The following SPACA6 variants were observed in gnomAD, a reference collection of about 807,000 sequenced individuals.
SPACA6 encodes the protein sperm acrosome membrane-associated protein 6.
For missense variants in SPACA6, 8 were observed against 2.8 expected, an observed-to-expected ratio of 2.88 and a Z score of -1.34; for synonymous variants, 6 against 1.5, an observed-to-expected ratio of 4.05 and a Z score of -2.21.
downstream of SPACA6, among the ~76,000 whole-genome samples, chr19:51,706,844 A>G (rs2083518313): frequency 2.6e-5 from 4 of 152,130 alleles, no homozygotes; most frequent in Non-Finnish European, 5.9e-5. Context: ...TTTTTGGAAG[A>G]GACAGGGTTT....
At chr19:51,690,356 C>T (rs1418331773), upstream of SPACA6, among the ~76,000 whole-genome samples, 1 of 152,098 alleles carries the variant, frequency 6.6e-6, no homozygotes, top group Non-Finnish European at 1.5e-5. Flanking sequence ...GGAGCGCGGC[C>T]CCCAACCCTC....
chr19:51,705,697 T>C (rs1367063154), downstream of SPACA6, among the ~76,000 whole-genome samples: 1 of 124,846 alleles, frequency 8.0e-6, no homozygotes, highest in Non-Finnish European at 1.6e-5. Context: ...ACTTGTTTTA[T>C]TTTATTTTAT....
chr19:51,707,243 T>G (rs1033624212), downstream of SPACA6, among the ~76,000 whole-genome samples: 34 of 151,520 alleles, frequency 2.2e-4, no homozygotes, highest in South Asian at 2.1e-3. Context: ...TTTTTTTTTT[T>G]TTTGTTTTGT....
At chr19:51,709,531 C>CAAA (rs56170768), downstream of SPACA6, among the ~76,000 whole-genome samples, 8,404 of 54,396 alleles carry the variant, frequency 0.15, 889 homozygotes, top group African/African-American at 0.25. Context: ...AAAAAAAAGG[C>CAAA]AAAAAAAAAA....
intron 2 of SPACA6, among the ~76,000 whole-genome samples, chr19:51,710,830 A>G (rs2083538074): frequency 6.6e-6 from 1 of 152,218 alleles, no homozygotes. Flanking sequence ...CTGTAATCCC[A>G]GCACTTTGGG....
At chr19:51,693,959 G>T in intron 1 of SPACA6, 1 of 372,894 alleles carries the variant, frequency 2.7e-6, no homozygotes, top group Non-Finnish European at 4.7e-6. Context: ...GAGTCAGAGA[G>T]GGGAAGATGG....
intron 2 of SPACA6, among the ~76,000 whole-genome samples, chr19:51,700,389 T>C (rs1172946873): frequency 6.6e-6 from 1 of 152,212 alleles, no homozygotes; most frequent in Non-Finnish European, 1.5e-5. Flanking sequence ...CTGCTACCCA[T>C]CTCCAGCTAA....
intron 2 of SPACA6, among the ~76,000 whole-genome samples, chr19:51,700,220 C>T (rs868618167): frequency 1.3e-5 from 2 of 152,132 alleles, no homozygotes; most frequent in Non-Finnish European, 2.9e-5. Context: ...CACCACTGTA[C>T]GCCAGCCTGG....
At chr19:51,698,003 T>C (rs952896561) in intron 2 of SPACA6, among the ~76,000 whole-genome samples, 2 of 152,118 alleles carry the variant, frequency 1.3e-5, no homozygotes, top group African/African-American at 4.8e-5. Context: ...AGTGACACCA[T>C]CTCATACAAT....
chr19:51,704,711 C>T (rs1441622711), intron 8 of SPACA6: 3 of 395,650 alleles, frequency 7.6e-6, no homozygotes, highest in Non-Finnish European at 1.3e-5. Context: ...CCTCCTCCCT[C>T]AGACCCAGGA....
chr19:51,685,134 G>A (rs2083322891), upstream of SPACA6, among the ~76,000 whole-genome samples: 1 of 152,178 alleles, frequency 6.6e-6, no homozygotes, highest in South Asian at 2.1e-4. Flanking sequence ...ACCAGTTCCT[G>A]TTTCAGGAAC....
intron 8 of SPACA6, 109 bp downstream of exon 8, chr19:51,704,589 G>A: frequency 2.5e-6 from 1 of 399,688 alleles, no homozygotes; most frequent in Non-Finnish European, 4.4e-6. Context: ...CAGGCTTTCA[G>A]TTCCTCCTCT....
chr19:51,684,132 T>C (rs543481928), upstream of SPACA6, among the ~76,000 whole-genome samples: 6 of 152,246 alleles, frequency 3.9e-5, no homozygotes, highest in East Asian at 3.9e-4. Flanking sequence ...CTAGGTTTTT[T>C]TGGGGGGAGA....
upstream of SPACA6, among the ~76,000 whole-genome samples, chr19:51,691,819 G>T (rs2083375944): frequency 6.6e-6 from 1 of 151,944 alleles, no homozygotes; most frequent in Admixed American, 6.5e-5. Context: ...GGGGAGGGTG[G>T]GTGCTGGGTC....
At position 51,693,494 on chromosome 19, in the gene SPACA6, A is replaced by C; in HGVS notation, c.-33A>C. The C allele has an allele frequency of 1.9e-6, 1 of 515,662 alleles. No individual in the cohort carries two copies. The highest frequency in any genetic ancestry group is 3.6e-6 in the Non-Finnish European group (1 of 276,362). The allele number at this position is 515,662 out of a possible 1,614,324, so 31.9% of individuals were successfully genotyped here. A position where few individuals can be genotyped will look rare whatever the true frequency, so the allele number is the denominator to read the frequency against. ...GCCCTGTGGTGACTTCATAAAGGTT[A>C]CTAGCTTCTCCCCTGGCCTTGAGAC... On this transcript the variant is annotated 5_prime_UTR_variant, in exon 1 of 9. Coordinates refer to ENST00000637797, the MANE Select transcript of SPACA6 (RefSeq NM_001316972.2).
Position 51,702,712 on chromosome 19 carries a change from C to G in SPACA6, c.385+60C>G, listed in dbSNP as rs144558767. 62 of 399,114 alleles carry G rather than the reference C, an allele frequency of 1.6e-4. No homozygotes were observed. The South Asian group carries it at 5.8e-3, about 38-fold the overall frequency. 24.7% of individuals were successfully genotyped at this position (399,114 alleles called of 1,614,324 possible). A position where few individuals can be genotyped will look rare whatever the true frequency, so the allele number is the denominator to read the frequency against. ...GTAAGGGAGGCGGTCGGGGACGAAA[C>G]GTACGACATCAAGTGTGGGAAAGCG... On this transcript the variant is annotated intron_variant, in intron 4 of 8. Coordinates refer to ENST00000637797, the MANE Select transcript of SPACA6 (RefSeq NM_001316972.2).
chr19:51,683,230 C>T, the SPACA6 span, among the ~76,000 whole-genome samples: 2 of 152,126 alleles, frequency 1.3e-5, no homozygotes, highest in Non-Finnish European at 2.9e-5. Flanking sequence ...TCTCTGCCTC[C>T]ATCATCACAT....
chr19:51,695,622 CCT>C (rs1353795417), intron 2 of SPACA6, among the ~76,000 whole-genome samples: 2 of 152,212 alleles, frequency 1.3e-5, no homozygotes, highest in Admixed American at 6.5e-5. Flanking sequence ...AGGCCCTAAA[CCT>C]CTCCATGTGG....
In SPACA6 at chr19:51,693,617, T is replaced by C. The variant is rs972526988; in HGVS notation, c.91T>C (p.Phe31Leu). 2.3e-5 allele frequency: 10 copies of C among 429,578 alleles called. No homozygotes were observed. Among genetic ancestry groups the C allele is most frequent in the African/African-American group, 2.0e-4 (10 of 50,528 alleles). 26.6% of individuals were successfully genotyped at this position (429,578 alleles called of 1,614,324 possible). The change falls in exon 1 of 9, where the codon TTC (phenylalanine) becomes CTC (leucine). Residue 31 changes from phenylalanine to leucine, a missense_variant. Physicochemically the swap from Phe to Leu is conservative, Grantham distance 22. Coordinates refer to ENST00000637797, the MANE Select transcript of SPACA6 (RefSeq NM_001316972.2). ...GCCCGCCTGGGCCTGTCTCCTCTGCTTCACAACCTACTCTGAGCGCCTCCG... is the reference window on the plus strand; with the variant it reads ...GCCCGCCTGGGCCTGTCTCCTCTGCCTCACAACCTACTCTGAGCGCCTCCG... ...RVPAWACLLC[F>L]TTYSERLRIC...
Sources: gnomAD v4.1 joint callset for allele counts (sites outside exome capture counted in the v4.1 genomes callset) on GRCh38, gnomAD v4.1.1 for gene constraint, MANE v1.5 for transcripts, NCBI Gene and HGNC (gene_info 2026-07-23, HGNC 2026-07-21) for gene names.